NECAB1: variants seen among roughly 807,000 people sequenced by gnomAD.
NECAB1 encodes the protein N-terminal EF-hand calcium binding protein 1, also known as N-terminal EF-hand calcium-binding protein 1.
Under a neutral mutation model 57.5 loss-of-function variants are expected in NECAB1, and 29 were observed. That is an observed-to-expected ratio of 0.50 (90% CI 0.38 to 0.69). NECAB1 has a LOEUF of 0.69. Among genes scored for constraint, NECAB1 ranks in the 30% least tolerant of loss-of-function variants. The probability of loss-of-function intolerance (pLI) is 0.00; values close to 1 mark genes in which losing one functional copy is unlikely to be tolerated. For missense variants in NECAB1, 372 were observed against 413.8 expected (o/e 0.90, Z 0.88); for synonymous variants, 142 against 147.7 (o/e 0.96, Z 0.28).
At chr8:90,941,667 AT>A (rs1406425366) in intron 10 of NECAB1, among the ~76,000 whole-genome samples, 1 of 152,180 alleles carries the variant, frequency 6.6e-6, no homozygotes, top group Non-Finnish European at 1.5e-5. Context: ...AGGAATCCAT[AT>A]CACTACTATT....
At chr8:90,923,557 T>A (rs1810183085) in intron 6 of NECAB1, among the ~76,000 whole-genome samples, 1 of 152,240 alleles carries the variant, frequency 6.6e-6, no homozygotes, top group Non-Finnish European at 1.5e-5. Flanking sequence ...CAGTCAGACT[T>A]GTAGTTCCTC....
chr8:90,878,608 T>A (rs1416485086), intron 4 of NECAB1, among the ~76,000 whole-genome samples: 1 of 152,212 alleles, frequency 6.6e-6, no homozygotes, highest in Non-Finnish European at 1.5e-5. Flanking sequence ...TTAAGTATTG[T>A]AATTCTCTTC....
intron 9 of NECAB1, 92 bp downstream of exon 9, chr8:90,934,449 T>G: frequency 2.3e-6 from 2 of 867,448 alleles, no homozygotes; most frequent in Non-Finnish European, 3.4e-6. Context: ...AATGAAAAAT[T>G]GAAAAACCAA....
At chr8:90,887,776 G>T (rs1353214659) in intron 5 of NECAB1, among the ~76,000 whole-genome samples, 1 of 152,172 alleles carries the variant, frequency 6.6e-6, no homozygotes, top group African/African-American at 2.4e-5. Flanking sequence ...TCCAGAAGAG[G>T]CTGTGGTTTA....
chr8:90,833,512 A>G lies in NECAB1; in HGVS notation c.233+8687A>G, dbSNP rs551837102. The stretch of plus-strand genomic sequence containing the variant: ...CGGTGGTTTGCTACATCTAGCATAC[A>G]TGTGTTTAAATTCTTTTTTAAACTT... On this transcript the variant is annotated intron_variant, in intron 3 of 12. Coordinates refer to ENST00000417640, the MANE Select transcript of NECAB1 (RefSeq NM_022351.5). Among the ~76,000 whole-genome samples the G allele has an allele frequency of 3.9e-5, 6 of 152,212 alleles. No individual in the cohort carries two copies. In the South Asian group the frequency reaches 8.3e-4, roughly 21 times the overall value.
chr8:90,920,847 A>G (rs1257572500), intron 6 of NECAB1, among the ~76,000 whole-genome samples: 2 of 152,322 alleles, frequency 1.3e-5, no homozygotes, highest in East Asian at 3.9e-4. Context: ...CTACAACTGC[A>G]TGGTAAACAT....
At chr8:90,849,230 G>T (rs576910067) in intron 3 of NECAB1, among the ~76,000 whole-genome samples, 3 of 152,288 alleles carry the variant, frequency 2.0e-5, no homozygotes, top group South Asian at 4.1e-4. Context: ...AGTACTGTGG[G>T]AAGCCACAGA....
chr8:90,918,732 C>T (rs1252480860), intron 6 of NECAB1, among the ~76,000 whole-genome samples: 1 of 152,108 alleles, frequency 6.6e-6, no homozygotes, highest in Non-Finnish European at 1.5e-5. Flanking sequence ...TCCTGTTACC[C>T]ACCTCTCATG....
rs1811062886 is a variant in NECAB1, at chr8:90,957,990, CTT to C, written c.*2482_*2483del. 6.7e-6 allele frequency: 1 copy of C among 150,122 alleles called. No individual in the cohort carries two copies. Among genetic ancestry groups the C allele is most frequent in the Non-Finnish European group, 1.5e-5 (1 of 67,366 alleles). The allele number at this position is 150,122 out of a possible 1,614,324, so 9.3% of individuals were successfully genotyped here. ...GGAGTTCAAAATTCAGTGAAACAAA[CTT>C]TTTGCCAATAGACCTAGGGATCTAA... On this transcript the variant is annotated 3_prime_UTR_variant, in exon 13 of 13. Transcript: ENST00000417640.
intron 5 of NECAB1, among the ~76,000 whole-genome samples, chr8:90,914,388 C>A (rs967913306): frequency 6.6e-6 from 1 of 152,232 alleles, no homozygotes; most frequent in Middle Eastern, 3.4e-3. Context: ...AACATCTGTA[C>A]AGAGACAGTG....
chr8:90,884,721 C>G (rs199764660), intron 5 of NECAB1, among the ~76,000 whole-genome samples: 5 of 152,048 alleles, frequency 3.3e-5, no homozygotes, highest in Non-Finnish European at 7.4e-5. Context: ...CTTTTTAAAC[C>G]GTTTATTTGA....
At chr8:90,818,525 A>C (rs910122589) in intron 2 of NECAB1, among the ~76,000 whole-genome samples, 3 of 152,014 alleles carry the variant, frequency 2.0e-5, no homozygotes, top group Admixed American at 6.6e-5. Context: ...TTTTCTTTCA[A>C]TACTTTAAAT....
intron 2 of NECAB1, among the ~76,000 whole-genome samples, chr8:90,802,887 GT>G (rs1811783649): frequency 6.6e-6 from 1 of 151,476 alleles, no homozygotes; most frequent in Non-Finnish European, 1.5e-5. Context: ...TAGTTTTTGG[GT>G]TTTTTGTTTT....
Position 90,925,635 on chromosome 8 carries a change from CAGTTT to C in NECAB1, c.597_601del (p.Phe200CysfsTer19). 6.2e-7 allele frequency: 1 copy of C among 1,613,842 alleles called. No individual in the cohort carries two copies. The highest frequency in any genetic ancestry group is 8.5e-7 in the Non-Finnish European group (1 of 1,179,824). On this transcript the variant is annotated frameshift_variant, in exon 7 of 13. Coordinates refer to ENST00000417640, the MANE Select transcript of NECAB1 (RefSeq NM_022351.5). LOFTEE classifies it high-confidence loss of function. ...CAACAGCTTCTCCCCAAACAGCCCT[CAGTTT>C]AATGTCAGCGGTCCAGGTAACATAC...
chr8:90,808,786 C>T (rs574245695), intron 2 of NECAB1, among the ~76,000 whole-genome samples: 1 of 151,898 alleles, frequency 6.6e-6, no homozygotes, highest in Admixed American at 6.6e-5. Context: ...GCTGGGACTA[C>T]AGGTGCGTGC....
intron 5 of NECAB1, among the ~76,000 whole-genome samples, chr8:90,887,485 C>A (rs1327735041): frequency 1.3e-5 from 2 of 152,038 alleles, no homozygotes; most frequent in East Asian, 3.8e-4. Flanking sequence ...GTATTTTTAA[C>A]AGAAAAGACA....
intron 5 of NECAB1, among the ~76,000 whole-genome samples, chr8:90,894,930 A>G (rs1439651414): frequency 1.3e-5 from 2 of 152,186 alleles, no homozygotes; most frequent in African/African-American, 4.8e-5. Context: ...CCTTCATTTT[A>G]AGGATATACA....
At chr8:90,934,556 T>C (rs993279677) in intron 9 of NECAB1, among the ~76,000 whole-genome samples, 199 bp downstream of exon 9, 7 of 152,128 alleles carry the variant, frequency 4.6e-5, no homozygotes, top group Non-Finnish European at 7.4e-5. Flanking sequence ...CAAAAGTACC[T>C]GGCATGTAAT....
At chr8:90,834,893 A>G (rs938812641) in intron 3 of NECAB1, among the ~76,000 whole-genome samples, 9 of 151,486 alleles carry the variant, frequency 5.9e-5, no homozygotes, top group Non-Finnish European at 1.0e-4. Flanking sequence ...CCCATAACCA[A>G]TCTTTATCAC....
Sources: allele counts gnomAD v4.1 joint callset (sites outside exome capture counted in the v4.1 genomes callset), GRCh38; gene constraint gnomAD v4.1.1; transcripts MANE v1.5; gene names NCBI Gene and HGNC (gene_info 2026-07-23, HGNC 2026-07-21).